STK17B: variants seen among roughly 807,000 people sequenced by gnomAD.
The protein encoded by STK17B is serine/threonine kinase 17b.
In STK17B, 21 loss-of-function variants were observed where a neutral mutation model predicts 42.0. The observed-to-expected ratio is 0.50, with a 90% CI of 0.35 to 0.72. The LOEUF is 0.72. STK17B is among the 30% of genes least tolerant of loss of function. STK17B has a pLI of 0.00. For synonymous variants in STK17B, 143 were observed against 148.4 expected, an observed-to-expected ratio of 0.96 and a Z score of 0.26; for missense variants, 349 against 446.0, an observed-to-expected ratio of 0.78 and a Z score of 1.96.
At chr2:196,151,910 G>A (rs987464297) in intron 3 of STK17B, among the ~76,000 whole-genome samples, 1 of 152,010 alleles carries the variant, frequency 6.6e-6, no homozygotes, top group Non-Finnish European at 1.5e-5. Context: ...AAATAAGAAG[G>A]GAAAGATTTT....
At position 196,135,575 on chromosome 2, in the gene STK17B, T is replaced by G. The variant is rs577496829; in HGVS notation, c.*1872A>C. 1 of 152,160 alleles carries G rather than the reference T, an allele frequency of 6.6e-6. No homozygotes were observed. Among genetic ancestry groups the G allele is most frequent in the East Asian group, 1.9e-4 (1 of 5,172 alleles). 9.4% of individuals were successfully genotyped at this position (152,160 alleles called of 1,614,324 possible). A position where few individuals can be genotyped will look rare whatever the true frequency, so the allele number is the denominator to read the frequency against. On this transcript the variant is annotated 3_prime_UTR_variant, in exon 8 of 8. Coordinates refer to ENST00000263955, the MANE Select transcript of STK17B (RefSeq NM_004226.4). Reference sequence around the variant, plus strand: ...GGTGGATCACTTGAAGTCAGGAGTTTGTGACCAGCCTGGCCAACATGGTGA... The same window carrying G: ...GGTGGATCACTTGAAGTCAGGAGTTGGTGACCAGCCTGGCCAACATGGTGA...
At chr2:196,156,785 C>T in intron 2 of STK17B, 134 bp from the exon 3 acceptor site, 1 of 722,016 alleles carries the variant, frequency 1.4e-6, no homozygotes, top group African/African-American at 1.8e-5. Flanking sequence ...TATCTTTGTT[C>T]TCTAAATTGA....
chr2:196,162,734 C>CA (rs113832933), intron 2 of STK17B, among the ~76,000 whole-genome samples: 8,471 of 151,768 alleles, frequency 0.056, 369 homozygotes, highest in African/African-American at 0.13. Context: ...CCTGTCTCTA[C>CA]AAAAAACCAG....
chr2:196,157,138 T>A (rs1575182099), intron 2 of STK17B, among the ~76,000 whole-genome samples: 1 of 139,182 alleles, frequency 7.2e-6, no homozygotes, highest in Non-Finnish European at 1.5e-5. Context: ...GGTGACAGAG[T>A]GAGACTGTCT....
intron 2 of STK17B, among the ~76,000 whole-genome samples, chr2:196,159,071 A>G (rs1699778036): frequency 6.6e-6 from 1 of 151,936 alleles, no homozygotes; most frequent in African/African-American, 2.4e-5. Flanking sequence ...TGCTTCTATC[A>G]ATTCTTACTT....
chr2:196,134,572 C>T lies in STK17B; in HGVS notation c.*2875G>A, dbSNP rs1699369594. ...AGTGCCAAAACAGTTGGAGATCGCT[C>T]CACTAGAGAACAGTTAACGGCTTAC... On this transcript the variant is annotated 3_prime_UTR_variant, in exon 8 of 8. Transcript: ENST00000263955. The T allele has an allele frequency of 6.6e-6, 1 of 152,154 alleles. No homozygotes were observed. The highest frequency in any genetic ancestry group is 1.5e-5 in the Non-Finnish European group (1 of 68,026). The allele number at this position is 152,154 out of a possible 1,614,324, so 9.4% of individuals were successfully genotyped here. A position where few individuals can be genotyped will look rare whatever the true frequency, so the allele number is the denominator to read the frequency against.
chr2:196,140,038 T>C (rs1699471399), intron 6 of STK17B, among the ~76,000 whole-genome samples: 1 of 152,224 alleles, frequency 6.6e-6, no homozygotes, highest in South Asian at 2.1e-4. Context: ...TCAATATATA[T>C]TATTGCTACC....
intron 6 of STK17B, among the ~76,000 whole-genome samples, chr2:196,140,288 T>C (rs912022016): frequency 5.3e-5 from 8 of 152,230 alleles, no homozygotes; most frequent in African/African-American, 1.9e-4. Flanking sequence ...AAAGACAATA[T>C]AGTACATGTT....
chr2:196,148,311 C>T (rs1452506062), intron 3 of STK17B, among the ~76,000 whole-genome samples: 1 of 152,306 alleles, frequency 6.6e-6, no homozygotes, highest in South Asian at 2.1e-4. Flanking sequence ...CAGGCACAGA[C>T]TGGCAGTGAC....
Position 196,169,237 on chromosome 2 carries a change from G to A in STK17B, c.-45+2096C>T, listed in dbSNP as rs546328836. On this transcript the variant is annotated intron_variant, in intron 1 of 7. Transcript: ENST00000263955. The stretch of plus-strand genomic sequence containing the variant: ...ACTACAGGCGCGCGCCACAATGCCC[G>A]GCTAATTTTTGTATTTTTAGTAGAC... 5.9e-5 allele frequency among the ~76,000 whole-genome samples: 9 copies of A among 151,898 alleles called. No individual in the cohort carries two copies. In the East Asian group the frequency reaches 1.4e-3, roughly 23 times the overall value.
At position 196,139,772 on chromosome 2, in the gene STK17B, C is replaced by G; in HGVS notation, c.684G>C (p.Leu228Phe). ...CCACAAATGGTGATGTGTGAGTTAA[C>G]AACATATATGCTATTATACCAATAT... is the stretch of plus-strand genomic sequence containing the variant. Reference protein sequence around the residue: ...MWNIGIIAYMLLTHTSPFVGE... With the variant: ...MWNIGIIAYMFLTHTSPFVGE... Residue 228 changes from leucine to phenylalanine, a missense_variant, in exon 7 of 8, where the codon TTG (leucine) becomes TTC (phenylalanine). By Grantham distance (22) the Leu-to-Phe change is conservative. Coordinates refer to ENST00000263955, the MANE Select transcript of STK17B (RefSeq NM_004226.4). The G allele has an allele frequency of 7.0e-7, 1 of 1,430,982 alleles. No individual in the cohort carries two copies. Among genetic ancestry groups the G allele is most frequent in the East Asian group, 2.6e-5 (1 of 37,788 alleles). The allele number at this position is 1,430,982 out of a possible 1,614,324, so 88.6% of individuals were successfully genotyped here.
At chr2:196,173,219 A>G (rs1005825071), upstream of STK17B, among the ~76,000 whole-genome samples, 1 of 152,150 alleles carries the variant, frequency 6.6e-6, no homozygotes, top group African/African-American at 2.4e-5. Flanking sequence ...GGATATTGTC[A>G]TGTCTTGCAT....
At position 196,156,606 on chromosome 2, in the gene STK17B, G is replaced by C; in HGVS notation, c.168C>G (p.Gly56=). 6.2e-7 allele frequency: 1 copy of C among 1,613,914 alleles called. No individual in the cohort carries two copies. The highest frequency in any genetic ancestry group is 2.2e-5 in the East Asian group (1 of 44,842). The part of the protein sequence containing the change: ...VVRQCISKST[G]QEYAAKFLKK... ...TTAGAAATTTTGCAGCATATTCTTG[G>C]CCAGTAGATTTTGATATACATTGTC... The change falls in exon 3 of 8, where the codon GGC becomes GGG. Residue 56 remains glycine (G), a synonymous_variant. Coordinates refer to ENST00000263955, the MANE Select transcript of STK17B (RefSeq NM_004226.4).
In STK17B at chr2:196,137,400, G is replaced by A. The variant is rs768147282; in HGVS notation, c.*47C>T. 6 of 1,568,086 alleles carry A rather than the reference G, an allele frequency of 3.8e-6. No individual in the cohort carries two copies. Among genetic ancestry groups the A allele is most frequent in the Non-Finnish European group, 3.5e-6 (4 of 1,152,550 alleles). On this transcript the variant is annotated 3_prime_UTR_variant, in exon 8 of 8. Coordinates refer to ENST00000263955, the MANE Select transcript of STK17B (RefSeq NM_004226.4). ...CTACAAATCATAATCTCACTGGAGT[G>A]GATATAAAATTTCAAATTCAGTCCA...
rs554248780 is a variant in STK17B at position 196,171,540 on chromosome 2, A to T, written c.-252T>A. On this transcript the variant is annotated 5_prime_UTR_variant, in exon 1 of 8. Transcript: ENST00000263955. ...TTCTCGTGAAGTGACTCCTGGCGAC[A>T]GCAGCGGAGAGGACTACCGAAGCTT... is the stretch of plus-strand genomic sequence containing the variant. 4.6e-5 allele frequency: 7 copies of T among 152,236 alleles called. No individual in the cohort carries two copies. The highest frequency in any genetic ancestry group is 6.5e-5 in the Admixed American group (1 of 15,284). The allele number at this position is 152,236 out of a possible 1,614,324, so 9.4% of individuals were successfully genotyped here.
Position 196,156,600 on chromosome 2 carries a change from T to C in STK17B, c.174A>G (p.Glu58=), listed in dbSNP as rs1699742096. ...RQCISKSTGQ[E]YAAKFLKKRR... ...TCTTTTTTAGAAATTTTGCAGCATA[T>C]TCTTGGCCAGTAGATTTTGATATAC... Residue 58 remains glutamate, a synonymous_variant, in exon 3 of 8, where the codon GAA becomes GAG. Coordinates refer to ENST00000263955, the MANE Select transcript of STK17B (RefSeq NM_004226.4). The C allele has an allele frequency of 1.2e-6, 2 of 1,614,088 alleles. No individual in the cohort carries two copies. Among genetic ancestry groups the C allele is most frequent in the East Asian group, 4.5e-5 (2 of 44,848 alleles).
chr2:196,170,049 G>C (rs1489442864), intron 1 of STK17B, among the ~76,000 whole-genome samples: 1 of 152,140 alleles, frequency 6.6e-6, no homozygotes, highest in Non-Finnish European at 1.5e-5. Context: ...CCGCTTCTAT[G>C]GACCAGTTTT....
rs1397719391 is a variant in STK17B, at chr2:196,153,235, C to CCAT, written c.335+3203_335+3204insATG. 3 of 41,822 alleles carry CCAT rather than the reference C, an allele frequency of 7.2e-5. No homozygotes were observed. In the East Asian group the frequency reaches 3.2e-3, roughly 44 times the overall value. The allele number at this position is 41,822 out of a possible 1,614,324, so 2.6% of individuals were successfully genotyped here. A position where few individuals can be genotyped will look rare whatever the true frequency, so the allele number is the denominator to read the frequency against. On this transcript the variant is annotated intron_variant, in intron 3 of 7. Coordinates refer to ENST00000263955, the MANE Select transcript of STK17B (RefSeq NM_004226.4). The stretch of plus-strand genomic sequence containing the variant: ...CTAGATACCCTTAATGGACTATAGT[C>CCAT]TAAGTGCAAAAACAATGTCCAAAAA...
intron 3 of STK17B, chr2:196,154,321 T>C (rs544063644): frequency 2.0e-4 from 30 of 152,140 alleles, no homozygotes; most frequent in African/African-American, 5.5e-4. Flanking sequence ...AAAGGGAAAA[T>C]GTTCCTTTAC....
Sources: allele counts gnomAD v4.1 joint callset (sites outside exome capture counted in the v4.1 genomes callset), GRCh38; gene constraint gnomAD v4.1.1; transcripts MANE v1.5; gene names NCBI Gene and HGNC (gene_info 2026-07-23, HGNC 2026-07-21).